AFG1L: variants seen among roughly 807,000 people sequenced by gnomAD.
The protein encoded by AFG1L is AFG1-like ATPase.
In AFG1L, 53 loss-of-function variants were observed where a neutral mutation model predicts 62.2. The ratio of observed to expected loss-of-function variants is 0.85; its 90% confidence interval spans 0.68 to 1.07. The LOEUF (loss-of-function observed/expected upper bound fraction) is 1.07, where lower values mean the gene tolerates loss of function less well. Ranked by LOEUF, AFG1L falls within the 50% of genes least tolerant of loss-of-function variation. The pLI, the probability that AFG1L is intolerant of heterozygous loss-of-function variation, is 0.00. For missense variants in AFG1L, 555 were observed against 590.5 expected, an observed-to-expected ratio of 0.94 and a Z score of 0.62; for synonymous variants, 228 against 210.3, an observed-to-expected ratio of 1.08 and a Z score of -0.73.
intron 11 of AFG1L, among the ~76,000 whole-genome samples, chr6:108,515,563 T>G (rs1774846118): frequency 6.6e-6 from 1 of 151,878 alleles, no homozygotes; most frequent in Admixed American, 6.6e-5. Context: ...GATCTAAAAT[T>G]GACACCCTAA....
Position 108,467,715 on chromosome 6 carries a change from C to T in AFG1L, c.891-9150C>T, listed in dbSNP as rs116015409. On this transcript the variant is annotated intron_variant, in intron 8 of 12. Transcript: ENST00000368977. Reference sequence around the variant, plus strand: ...GATAAGCCATGCATTTATTATTATACTGTTATTTTACAGAAAACTACTGAA... The same window carrying T: ...GATAAGCCATGCATTTATTATTATATTGTTATTTTACAGAAAACTACTGAA... Among the ~76,000 whole-genome samples the T allele has an allele frequency of 6.0e-3, 914 of 152,234 alleles. 9 individuals carry two copies. Among genetic ancestry groups the T allele is most frequent in the African/African-American group, 0.021 (858 of 41,512 alleles).
intron 2 of AFG1L, among the ~76,000 whole-genome samples, chr6:108,330,763 C>A (rs1778247599): frequency 6.6e-6 from 1 of 152,146 alleles, no homozygotes; most frequent in Non-Finnish European, 1.5e-5. Context: ...GTACTGACTG[C>A]CCATTTTCGT....
At chr6:108,329,999 C>T (rs1022887818) in intron 2 of AFG1L, among the ~76,000 whole-genome samples, 2 of 151,884 alleles carry the variant, frequency 1.3e-5, no homozygotes, top group Non-Finnish European at 2.9e-5. Flanking sequence ...GAAGTGGGAC[C>T]GGTGGCTTTA....
intron 3 of AFG1L, among the ~76,000 whole-genome samples, chr6:108,352,008 G>A (rs1779101501): frequency 6.6e-6 from 1 of 152,112 alleles, no homozygotes; most frequent in African/African-American, 2.4e-5. Context: ...GTATAATTCA[G>A]TAGTATTGTC....
At chr6:108,485,656 A>ATATATAT (rs1359021647) in intron 10 of AFG1L, among the ~76,000 whole-genome samples, 2 of 25,032 alleles carry the variant, frequency 8.0e-5, no homozygotes, top group African/African-American at 5.2e-4. Context: ...ATATATATAT[A>ATATATAT]TTTTTTTTTT....
intron 7 of AFG1L, among the ~76,000 whole-genome samples, chr6:108,413,797 A>G (rs1358330931): frequency 2.6e-5 from 4 of 152,198 alleles, no homozygotes; most frequent in Non-Finnish European, 4.4e-5. Flanking sequence ...ATAACACTAA[A>G]TGCCCACAAG....
chr6:108,343,197 C>T (rs576153873), intron 2 of AFG1L, among the ~76,000 whole-genome samples: 2 of 151,880 alleles, frequency 1.3e-5, no homozygotes, highest in African/African-American at 4.8e-5. Context: ...CCTGAGTAGC[C>T]TGCCACCATG....
At chr6:108,345,160 C>A (rs1044392296) in intron 2 of AFG1L, among the ~76,000 whole-genome samples, 4 of 152,124 alleles carry the variant, frequency 2.6e-5, no homozygotes, top group Middle Eastern at 6.3e-3. Flanking sequence ...GAAACAATTT[C>A]TTTTTTGTAA....
At chr6:108,317,259 C>T (rs1197083560) in intron 1 of AFG1L, among the ~76,000 whole-genome samples, 4 of 152,206 alleles carry the variant, frequency 2.6e-5, no homozygotes, top group Non-Finnish European at 5.9e-5. Context: ...CAGTCCCACA[C>T]AGGAGAACTG....
At chr6:108,511,034 C>T (rs1008422981) in intron 11 of AFG1L, among the ~76,000 whole-genome samples, 80 of 150,154 alleles carry the variant, frequency 5.3e-4, no homozygotes, top group African/African-American at 1.7e-3. Context: ...GAGTCATGAT[C>T]ACCCCACTGC....
At chr6:108,304,760 C>T (rs1777141170) in intron 1 of AFG1L, among the ~76,000 whole-genome samples, 1 of 152,162 alleles carries the variant, frequency 6.6e-6, no homozygotes. Context: ...TTTGGCAACC[C>T]TCTTCTTTCT....
At chr6:108,483,365 C>T (rs964299085) in intron 10 of AFG1L, among the ~76,000 whole-genome samples, 4 of 152,028 alleles carry the variant, frequency 2.6e-5, no homozygotes, top group African/African-American at 9.7e-5. Context: ...AGAAATAACC[C>T]ATATAAGCAA....
chr6:108,338,779 AATT>A (rs1385148703), intron 2 of AFG1L, among the ~76,000 whole-genome samples: 2 of 152,240 alleles, frequency 1.3e-5, no homozygotes, highest in Non-Finnish European at 2.9e-5. Context: ...GCTTCATAGG[AATT>A]GTTTGATGTG....
At chr6:108,453,342 A>G (rs1347150519) in intron 8 of AFG1L, among the ~76,000 whole-genome samples, 2 of 152,188 alleles carry the variant, frequency 1.3e-5, no homozygotes, top group African/African-American at 2.4e-5. Flanking sequence ...TCAAAAAAAA[A>G]GTTTTTTCTT....
At chr6:108,327,308 C>T (rs1452028574) in intron 2 of AFG1L, among the ~76,000 whole-genome samples, 3 of 152,218 alleles carry the variant, frequency 2.0e-5, no homozygotes, top group Non-Finnish European at 4.4e-5. Flanking sequence ...ATCTCCATGA[C>T]ACAGCTAGGC....
At chr6:108,391,089 G>T (rs1781037517) in intron 6 of AFG1L, among the ~76,000 whole-genome samples, 1 of 152,198 alleles carries the variant, frequency 6.6e-6, no homozygotes, top group African/African-American at 2.4e-5. Context: ...GCATGTGCAG[G>T]TATCTTTTTT....
intron 7 of AFG1L, among the ~76,000 whole-genome samples, chr6:108,418,360 A>G (rs772146891): frequency 3.3e-5 from 5 of 152,204 alleles, no homozygotes; most frequent in Admixed American, 6.5e-5. Flanking sequence ...GAGTGGCTGC[A>G]GTGGAGACTT....
chr6:108,321,045 A>G (rs1347364121), intron 1 of AFG1L, among the ~76,000 whole-genome samples: 2 of 152,146 alleles, frequency 1.3e-5, no homozygotes, highest in East Asian at 3.9e-4. Flanking sequence ...CAACAGTTCA[A>G]TTTGATTCTG....
At chr6:108,334,737 A>T (rs1317890910) in intron 2 of AFG1L, among the ~76,000 whole-genome samples, 1 of 152,134 alleles carries the variant, frequency 6.6e-6, no homozygotes, top group East Asian at 1.9e-4. Context: ...CTCAGGATAA[A>T]CTACAAACTC....
Sources: allele counts gnomAD v4.1 joint callset (sites outside exome capture counted in the v4.1 genomes callset), GRCh38; gene constraint gnomAD v4.1.1; transcripts MANE v1.5; gene names NCBI Gene and HGNC (gene_info 2026-07-23, HGNC 2026-07-21).